Variants in CES5A observed in about 807,000 individuals in gnomAD.
CES5A encodes carboxylesterase 5A.
In CES5A, 67 loss-of-function variants were observed where a neutral mutation model predicts 62.9. The ratio of observed to expected loss-of-function variants is 1.07; its 90% confidence interval spans 0.88 to 1.31. The LOEUF is 1.31. Among genes scored for constraint, CES5A ranks in the 50% most tolerant of loss-of-function variants. CES5A has a pLI of 0.00. For missense variants in CES5A, 748 were observed against 708.5 expected (o/e 1.06, Z -0.63); for synonymous variants, 296 against 280.8 (o/e 1.05, Z -0.54).
At chr16:55,939,241 T>C (rs1262593751) in intron 2 of CES5A, among the ~76,000 whole-genome samples, 1 of 152,178 alleles carries the variant, frequency 6.6e-6, no homozygotes, top group Non-Finnish European at 1.5e-5. Context: ...TGCTCAGTCC[T>C]CAACCAATCA....
At chr16:55,856,534 G>A (rs1264969754) in intron 8 of CES5A, 89 bp from the exon 9 acceptor site, 4 of 1,245,078 alleles carry the variant, frequency 3.2e-6, no homozygotes, top group African/African-American at 1.5e-5. Context: ...GACTTTCACA[G>A]GGGAAGTTGG....
At chr16:55,896,394 T>A (rs116101707) in intron 1 of CES5A, among the ~76,000 whole-genome samples, 1,981 of 152,288 alleles carry the variant, frequency 0.013, 50 homozygotes, top group African/African-American at 0.045. Flanking sequence ...TCACCATGTC[T>A]TCTCTTTGTA....
At chr16:55,888,689 C>T (rs977213339) in intron 1 of CES5A, among the ~76,000 whole-genome samples, 1 of 152,226 alleles carries the variant, frequency 6.6e-6, no homozygotes, top group African/African-American at 2.4e-5. Context: ...GTGTCAGTCA[C>T]TGTGCTAAGC....
At chr16:55,894,272 G>A (rs1597138609) in intron 1 of CES5A, among the ~76,000 whole-genome samples, 3 of 152,146 alleles carry the variant, frequency 2.0e-5, no homozygotes. Context: ...ACTTTGGGAG[G>A]CCAAGGCAGG....
At chr16:55,854,085 G>A (rs1469081808) in intron 9 of CES5A, among the ~76,000 whole-genome samples, 1 of 152,192 alleles carries the variant, frequency 6.6e-6, no homozygotes, top group African/African-American at 2.4e-5. Flanking sequence ...AGACTCCATG[G>A]TGCTGGTGAT....
At chr16:55,869,084 C>T (rs529716877) in intron 4 of CES5A, among the ~76,000 whole-genome samples, 3 of 152,314 alleles carry the variant, frequency 2.0e-5, no homozygotes, top group Admixed American at 6.5e-5. Flanking sequence ...TAGACACCAC[C>T]GACTGCTCAC....
chr16:55,902,917 A>C (rs1014682758), intron 1 of CES5A, among the ~76,000 whole-genome samples: 1 of 152,198 alleles, frequency 6.6e-6, no homozygotes, highest in Non-Finnish European at 1.5e-5. Flanking sequence ...AGCCAGGTCA[A>C]TATGGAAATA....
At chr16:55,948,836 T>C (rs1342948884) in intron 2 of CES5A, among the ~76,000 whole-genome samples, 1 of 152,128 alleles carries the variant, frequency 6.6e-6, no homozygotes, top group Non-Finnish European at 1.5e-5. Flanking sequence ...TGAATTAGAT[T>C]AATGTGGTGT....
At chr16:55,937,812 T>C (rs148305480) in intron 2 of CES5A, among the ~76,000 whole-genome samples, 23 of 152,218 alleles carry the variant, frequency 1.5e-4, no homozygotes, top group African/African-American at 5.1e-4. Context: ...GGGTCCTCTT[T>C]CTCTCCATTG....
chr16:55,892,720 AC>A (rs375724594), intron 1 of CES5A, among the ~76,000 whole-genome samples: 31,706 of 149,348 alleles, frequency 0.21, 3,980 homozygotes, highest in Non-Finnish European at 0.29. Flanking sequence ...AACAACAACA[AC>A]AACAAAAAAA....
intron 1 of CES5A, among the ~76,000 whole-genome samples, chr16:55,893,927 T>C (rs1486089892): frequency 3.9e-5 from 6 of 152,098 alleles, no homozygotes; most frequent in Non-Finnish European, 7.4e-5. Context: ...AATCACTCCT[T>C]AGTATATTAT....
At chr16:55,926,958 C>T (rs1401593250), upstream of CES5A, among the ~76,000 whole-genome samples, 23 of 152,232 alleles carry the variant, frequency 1.5e-4, no homozygotes, top group African/African-American at 5.3e-4. Flanking sequence ...TCTTCTGTTA[C>T]AATTCTTCAA....
intron 1 of CES5A, among the ~76,000 whole-genome samples, chr16:55,951,468 A>C (rs751799578): frequency 6.6e-6 from 1 of 152,214 alleles, no homozygotes; most frequent in East Asian, 1.9e-4. Flanking sequence ...TCCAACTATT[A>C]TAGAAGAAAA....
intron 1 of CES5A, among the ~76,000 whole-genome samples, chr16:55,953,873 AG>A (rs1238364595): frequency 1.3e-5 from 2 of 152,210 alleles, no homozygotes; most frequent in Admixed American, 6.5e-5. Context: ...AGCATCTGTC[AG>A]TTATTTGTGT....
intron 1 of CES5A, among the ~76,000 whole-genome samples, chr16:55,916,530 G>A (rs1470988697): frequency 6.6e-6 from 1 of 152,162 alleles, no homozygotes; most frequent in Non-Finnish European, 1.5e-5. Context: ...TCATAATTTT[G>A]CAAAAGCGAT....
rs538968444 is a variant in CES5A, at chr16:55,894,662, GA to G, written c.-255-20626del. ...AAAAATGTCAGAATAAACTTTATCTGAACACTGGAAAGTAATAAAATCTTTA... is the reference window on the plus strand; with the variant it reads ...AAAAATGTCAGAATAAACTTTATCTGACACTGGAAAGTAATAAAATCTTTA... On this transcript the variant is annotated intron_variant, in intron 1 of 12. Transcript: ENST00000518005. 3.6e-3 allele frequency among the ~76,000 whole-genome samples: 553 copies of G among 152,166 alleles called. 3 individuals are homozygous for G. The highest frequency in any genetic ancestry group is 0.013 in the African/African-American group (538 of 41,502).
chr16:55,912,300 C>G (rs560114680), intron 1 of CES5A, among the ~76,000 whole-genome samples: 1 of 152,224 alleles, frequency 6.6e-6, no homozygotes. Context: ...TACATTCCGA[C>G]GACAACAGGT....
chr16:55,895,678 G>T (rs761051680), intron 1 of CES5A, among the ~76,000 whole-genome samples: 2 of 152,132 alleles, frequency 1.3e-5, no homozygotes, highest in African/African-American at 4.8e-5. Flanking sequence ...AAAAATTTGC[G>T]CTAGAACAAG....
At chr16:55,941,289 T>C (rs1212374279) in intron 2 of CES5A, among the ~76,000 whole-genome samples, 7 of 152,118 alleles carry the variant, frequency 4.6e-5, no homozygotes, top group African/African-American at 1.7e-4. Context: ...TACCTGAGTT[T>C]AGCAAGATTG....
Sources: allele counts gnomAD v4.1 joint callset (sites outside exome capture counted in the v4.1 genomes callset), GRCh38; gene constraint gnomAD v4.1.1; transcripts MANE v1.5; gene names NCBI Gene and HGNC (gene_info 2026-07-23, HGNC 2026-07-21).